UBTD2: variants seen among roughly 807,000 people sequenced by gnomAD.
UBTD2 encodes ubiquitin domain-containing protein 2.
In UBTD2, 9 loss-of-function variants were observed where a neutral mutation model predicts 19.8. The ratio of observed to expected loss-of-function variants is 0.46; its 90% CI spans 0.27 to 0.79. UBTD2 has a LOEUF of 0.79. UBTD2 is among the 30% of genes least tolerant of loss of function. The pLI is 0.14. For missense variants in UBTD2, 250 were observed against 300.4 expected (o/e 0.83, Z 1.24); for synonymous variants, 98 against 103.9 (o/e 0.94, Z 0.35).
chr5:172,239,216 G>A (rs1772074076), intron 1 of UBTD2, among the ~76,000 whole-genome samples: 1 of 152,160 alleles, frequency 6.6e-6, no homozygotes, highest in Non-Finnish European at 1.5e-5. Flanking sequence ...CAACCTTACT[G>A]ACAGATAGGA....
At chr5:172,242,599 T>A (rs1238886866) in intron 1 of UBTD2, among the ~76,000 whole-genome samples, 1 of 152,262 alleles carries the variant, frequency 6.6e-6, no homozygotes, top group African/African-American at 2.4e-5. Context: ...GAATTCTTCA[T>A]ATATGTCTTA....
intron 1 of UBTD2, among the ~76,000 whole-genome samples, chr5:172,281,476 C>T (rs1313564660): frequency 1.3e-5 from 2 of 152,090 alleles, no homozygotes; most frequent in Non-Finnish European, 2.9e-5. Flanking sequence ...CCAGCTTGGG[C>T]GATAAAGCAA....
intron 1 of UBTD2, among the ~76,000 whole-genome samples, chr5:172,271,904 G>T (rs1240297227): frequency 6.6e-6 from 1 of 152,048 alleles, no homozygotes; most frequent in African/African-American, 2.4e-5. Flanking sequence ...AAAACTTAAA[G>T]GTTTTACTGT....
At chr5:172,282,727 T>G (rs1464732436) in intron 1 of UBTD2, among the ~76,000 whole-genome samples, 1 of 152,164 alleles carries the variant, frequency 6.6e-6, no homozygotes, top group Non-Finnish European at 1.5e-5. Flanking sequence ...TAGAACTAAT[T>G]TTATTATTAT....
chr5:172,221,020 C>T (rs367551971), intron 2 of UBTD2, among the ~76,000 whole-genome samples: 1 of 152,036 alleles, frequency 6.6e-6, no homozygotes, highest in Non-Finnish European at 1.5e-5. Flanking sequence ...TACATTAGCA[C>T]CTCAAAAAGA....
chr5:172,255,521 C>A (rs1755122898), intron 1 of UBTD2: 1 of 317,460 alleles, frequency 3.1e-6, no homozygotes, highest in Non-Finnish European at 6.4e-6. Context: ...AGGCCCAGAT[C>A]CGGGCTGCCT....
chr5:172,251,598 G>T (rs1343950588), intron 1 of UBTD2, among the ~76,000 whole-genome samples: 1 of 147,718 alleles, frequency 6.8e-6, no homozygotes, highest in Non-Finnish European at 1.5e-5. Flanking sequence ...TTCACACCCA[G>T]AGACAGTGGG....
At chr5:172,270,827 T>C (rs1034112204) in intron 1 of UBTD2, among the ~76,000 whole-genome samples, 1 of 152,184 alleles carries the variant, frequency 6.6e-6, no homozygotes, top group African/African-American at 2.4e-5. Flanking sequence ...TAGAATTTTA[T>C]ATAAAATAAC....
At chr5:172,281,364 G>A (rs1211595986) in intron 1 of UBTD2, among the ~76,000 whole-genome samples, 1 of 152,162 alleles carries the variant, frequency 6.6e-6, no homozygotes, top group African/African-American at 2.4e-5. Flanking sequence ...CGGGTGCGGT[G>A]GCATGCACCT....
At chr5:172,251,130 C>T (rs1258558602) in intron 1 of UBTD2, among the ~76,000 whole-genome samples, 15 of 150,478 alleles carry the variant, frequency 1.0e-4, no homozygotes, top group East Asian at 3.9e-4. Context: ...CTGGCTAACA[C>T]GGTGAAACCC....
At chr5:172,251,097 G>A (rs1201209340) in intron 1 of UBTD2, among the ~76,000 whole-genome samples, 4 of 151,656 alleles carry the variant, frequency 2.6e-5, no homozygotes, top group African/African-American at 7.2e-5. Context: ...GGCGGATCAC[G>A]AGGTCAGGAA....
intron 2 of UBTD2, among the ~76,000 whole-genome samples, chr5:172,227,317 A>G (rs1340904996): frequency 6.6e-6 from 1 of 152,230 alleles, no homozygotes; most frequent in Non-Finnish European, 1.5e-5. Flanking sequence ...GAATACATTT[A>G]CAATTTATAA....
At chr5:172,249,043 G>T (rs543503564) in intron 1 of UBTD2, among the ~76,000 whole-genome samples, 2 of 151,810 alleles carry the variant, frequency 1.3e-5, no homozygotes, top group Non-Finnish European at 2.9e-5. Context: ...AAATGAGAAG[G>T]CACAAATAAC....
chr5:172,220,717 A>G (rs948081931), intron 2 of UBTD2, among the ~76,000 whole-genome samples: 3 of 152,240 alleles, frequency 2.0e-5, no homozygotes, highest in Non-Finnish European at 4.4e-5. Flanking sequence ...GAACAAGACA[A>G]GGATGTCCCC....
chr5:172,266,509 C>G (rs2113111159), intron 1 of UBTD2, among the ~76,000 whole-genome samples: 1 of 152,300 alleles, frequency 6.6e-6, no homozygotes, highest in East Asian at 1.9e-4. Flanking sequence ...ATCCACCGGC[C>G]CCTTTTCCAT....
At chr5:172,250,828 G>A (rs1754988590) in intron 1 of UBTD2, among the ~76,000 whole-genome samples, 1 of 150,852 alleles carries the variant, frequency 6.6e-6, no homozygotes, top group African/African-American at 2.4e-5. Context: ...AGCTACTCAG[G>A]AGGCTGAGGT....
At chr5:172,240,284 T>A (rs1581219364) in intron 1 of UBTD2, among the ~76,000 whole-genome samples, 1 of 152,166 alleles carries the variant, frequency 6.6e-6, no homozygotes, top group South Asian at 2.1e-4. Flanking sequence ...GTACTTAGCA[T>A]CTACAACAAA....
At chr5:172,214,763 CT>C (rs1771512075) in intron 2 of UBTD2, among the ~76,000 whole-genome samples, 1 of 152,146 alleles carries the variant, frequency 6.6e-6, no homozygotes, top group Admixed American at 6.6e-5. Flanking sequence ...CTAGTTTATT[CT>C]TTTCGGCACT....
At chr5:172,262,772 G>A (rs1447344019) in intron 1 of UBTD2, among the ~76,000 whole-genome samples, 2 of 152,018 alleles carry the variant, frequency 1.3e-5, no homozygotes, top group Non-Finnish European at 2.9e-5. Context: ...CCAAGATCAC[G>A]CCACTGCCCT....
Sources: allele counts gnomAD v4.1 joint callset (sites outside exome capture counted in the v4.1 genomes callset), GRCh38; gene constraint gnomAD v4.1.1; transcripts MANE v1.5; gene names NCBI Gene and HGNC (gene_info 2026-07-23, HGNC 2026-07-21).